The following GLB1L variants were observed in gnomAD, a reference collection of about 807,000 sequenced individuals.
The protein encoded by GLB1L is galactosidase beta 1 like.
In GLB1L, 58 loss-of-function variants were observed where a neutral mutation model predicts 75.7. The ratio of observed to expected loss-of-function variants is 0.77; its 90% CI spans 0.62 to 0.95. GLB1L has a LOEUF of 0.95. Ranked by LOEUF, GLB1L falls within the 40% of genes least tolerant of loss-of-function variation. The pLI is 0.00. For missense variants in GLB1L, 797 were observed against 805.5 expected (o/e 0.99, Z 0.13); for synonymous variants, 296 against 303.0 (o/e 0.98, Z 0.24).
intron 5 of GLB1L, among the ~76,000 whole-genome samples, chr2:219,241,401 A>AATAT (rs1255448318): frequency 8.1e-4 from 68 of 84,396 alleles, no homozygotes; most frequent in South Asian, 1.4e-3. Context: ...AAATAAAAAT[A>AATAT]ATATATATAT....
intron 5 of GLB1L, among the ~76,000 whole-genome samples, chr2:219,242,292 T>TG (rs1388692107): frequency 6.7e-6 from 1 of 150,156 alleles, no homozygotes; most frequent in African/African-American, 2.4e-5. Context: ...CCCAGCTGTT[T>TG]TTTTTTTTTT....
intron 10 of GLB1L, 89 bp from the exon 11 acceptor site, chr2:219,239,299 G>C: frequency 6.8e-7 from 1 of 1,460,560 alleles, no homozygotes; most frequent in Non-Finnish European, 9.4e-7. Context: ...TTTGCCATCA[G>C]AGGGGGCAGA....
chr2:219,242,859 C>G lies in GLB1L; in HGVS notation c.299G>C (p.Arg100Pro). Residue 100 changes from arginine (R) to proline (P), a missense_variant, in exon 4 of 17, where the codon CGG (arginine) becomes CCG (proline). By Grantham distance (103) the Arg-to-Pro change is moderately radical (BLOSUM62 -2). Transcript: ENST00000295759. ...CTCATTCAGAAAGGCAATGAGGTCC[C>G]GGCTGCCATTAAAGTTATAGACCCC... ...QPGVYNFNGSRDLIAFLNEAA... is the reference protein window; with the variant it reads ...QPGVYNFNGSPDLIAFLNEAA... The G allele has an allele frequency of 6.2e-7, 1 of 1,614,176 alleles. No individual in the cohort carries two copies. Among genetic ancestry groups the G allele is most frequent in the Non-Finnish European group, 8.5e-7 (1 of 1,180,032 alleles).
intron 13 of GLB1L, 51 bp from the exon 14 acceptor site, chr2:219,238,414 C>A: frequency 6.4e-7 from 1 of 1,559,042 alleles, no homozygotes; most frequent in South Asian, 1.1e-5. Context: ...AAAGAGGACA[C>A]TGTGACTATA....
Position 219,242,926 on chromosome 2 carries a change from A to G in GLB1L, c.240-8T>C. The stretch of plus-strand genomic sequence containing the variant: ...TAGTTCCAGGGCACATAACTGAGAA[A>G]GGAAGAGGTTAATAGGAACCAAGGT... On this transcript the variant is annotated splice_region_variant and splice_polypyrimidine_tract_variant and intron_variant, in intron 3 of 16. Coordinates refer to ENST00000295759, the MANE Select transcript of GLB1L (RefSeq NM_001286423.2). 6.2e-7 allele frequency: 1 copy of G among 1,614,206 alleles called. No individual in the cohort carries two copies.
chr2:219,240,483 C>T (rs1226645219), intron 5 of GLB1L, among the ~76,000 whole-genome samples, 198 bp from the exon 6 acceptor site: 1 of 152,252 alleles, frequency 6.6e-6, no homozygotes, highest in Admixed American at 6.5e-5. Flanking sequence ...GCGGCTCACG[C>T]CTGTAATCCC....
chr2:219,238,785 C>T lies in GLB1L; in HGVS notation c.1063-6G>A, dbSNP rs1177186053. The T allele has an allele frequency of 2.5e-6, 4 of 1,610,186 alleles. No homozygotes were observed. The highest frequency in any genetic ancestry group is 3.4e-6 in the Non-Finnish European group (4 of 1,178,118). ...CCCAAAGGAACTTCCTGGAACTGAG[C>T]CCAGATTCTCTCAGGATCCATAGGA... is the stretch of plus-strand genomic sequence containing the variant. On this transcript the variant is annotated splice_polypyrimidine_tract_variant and splice_region_variant and intron_variant, in intron 11 of 16. Coordinates refer to ENST00000295759, the MANE Select transcript of GLB1L (RefSeq NM_001286423.2).
chr2:219,243,586 GCTC>G lies in GLB1L; in HGVS notation c.-16_-14del, dbSNP rs915289943. 17 of 1,613,682 alleles carry G rather than the reference GCTC, an allele frequency of 1.1e-5. No homozygotes were observed. Among genetic ancestry groups the G allele is most frequent in the Admixed American group, 1.7e-5 (1 of 60,020 alleles). On this transcript the variant is annotated 5_prime_UTR_variant, in exon 2 of 17. Coordinates refer to ENST00000295759, the MANE Select transcript of GLB1L (RefSeq NM_001286423.2). ...TCTTGGGAGCCATGGCGTTTACAGC[GCTC>G]CTCTAGTCTGAGACGGCGGACAGAC...
chr2:219,240,753 C>G (rs1951366511), intron 5 of GLB1L, among the ~76,000 whole-genome samples: 1 of 149,296 alleles, frequency 6.7e-6, no homozygotes, highest in Non-Finnish European at 1.5e-5. Flanking sequence ...TCAAAACAAA[C>G]AAACAAAAAT....
At position 219,239,424 on chromosome 2, in the gene GLB1L, A is replaced by G. The variant is rs1951332145; in HGVS notation, c.930T>C (p.Phe310=). 1.9e-6 allele frequency: 3 copies of G among 1,602,640 alleles called. No individual in the cohort carries two copies. The highest frequency in any genetic ancestry group is 1.1e-5 in the South Asian group (1 of 89,056). ...ATCTGGACTCACCATTCCAATATCC[A>G]AAGTTGGTACCTCCATGGAACATGT... ...NMYMFHGGTN[F]GYWNGADKKG... is the part of the protein sequence containing the mutation. The change falls in exon 10 of 17, where the codon TTT becomes TTC. Residue 310 remains phenylalanine (F), a synonymous_variant. Transcript: ENST00000295759.
At chr2:219,239,376 T>C in intron 10 of GLB1L, 35 bp downstream of exon 10, 1 of 1,562,132 alleles carries the variant, frequency 6.4e-7, no homozygotes, top group East Asian at 2.2e-5. Flanking sequence ...CCTTGTTACC[T>C]CCCTGCTTCT....
Position 219,237,283 on chromosome 2 carries a change from G to C in GLB1L, c.1754C>G (p.Thr585Ser). The change falls in exon 17 of 17, where the codon ACC becomes AGC. Residue 585 changes from threonine to serine, a missense_variant. Thr to Ser is a moderately conservative substitution (Grantham distance 58). Coordinates refer to ENST00000295759, the MANE Select transcript of GLB1L (RefSeq NM_001286423.2). ...RYWTKQGPQQ[T>S]LYVPRFLLFP... Reference sequence around the variant, plus strand: ...CAGCAGGAATCTTGGCACGTAGAGGGTCTGTTGTGGCCCCTGCTTTGTCCA... The same window carrying C: ...CAGCAGGAATCTTGGCACGTAGAGGCTCTGTTGTGGCCCCTGCTTTGTCCA... 1 of 1,614,136 alleles carries C rather than the reference G, an allele frequency of 6.2e-7. No homozygotes were observed. Among genetic ancestry groups the C allele is most frequent in the Non-Finnish European group, 8.5e-7 (1 of 1,180,006 alleles).
rs757195423 is a variant in GLB1L at position 219,243,174 on chromosome 2, T to C, written c.213A>G (p.Arg71=). The C allele has an allele frequency of 8.1e-6, 13 of 1,612,712 alleles. No individual in the cohort carries two copies. The highest frequency in any genetic ancestry group is 1.1e-5 in the Non-Finnish European group (13 of 1,179,424). The part of the protein sequence containing the change: ...VLWADRLLKM[R]WSGLNAIQFY... ...ACTGTATGGCGTTGAGGCCGCTCCA[T>C]CGCATCTTCAAAAGCCGGTCGGCCC... Residue 71 remains arginine, a synonymous_variant, in exon 3 of 17, where the codon CGA becomes CGG. Coordinates refer to ENST00000295759, the MANE Select transcript of GLB1L (RefSeq NM_001286423.2).
rs1326489471 is a variant in GLB1L, at chr2:219,243,258, C to T, written c.129G>A (p.Gly43=). The T allele has an allele frequency of 6.2e-7, 1 of 1,613,818 alleles. No homozygotes were observed. Among genetic ancestry groups the T allele is most frequent in the Non-Finnish European group, 8.5e-7 (1 of 1,179,886 alleles). Residue 43 remains glycine (G), a synonymous_variant, in exon 3 of 17, where the codon GGG becomes GGA. Transcript: ENST00000295759. The part of the protein sequence containing the change: ...DRGHDRFLLD[G]APFRYVSGSL... Reference sequence around the variant, plus strand: ...TGCCAGACACATAGCGGAACGGGGCCCCGTCTAGGAGAAACCGGTCATGAC... The same window carrying T: ...TGCCAGACACATAGCGGAACGGGGCTCCGTCTAGGAGAAACCGGTCATGAC...
At chr2:219,245,177 G>GTGTA (rs1951498260) in intron 1 of GLB1L, 52 bp downstream of exon 1, 6 of 152,450 alleles carry the variant, frequency 3.9e-5, no homozygotes, top group Admixed American at 3.9e-4. Flanking sequence ...CCAGGCTGCA[G>GTGTA]TGTAGTTGGC....
At position 219,237,948 on chromosome 2, in the gene GLB1L, C is replaced by T. The variant is rs1951291105; in HGVS notation, c.1351G>A (p.Gly451Ser). 1 of 1,613,986 alleles carries T rather than the reference C, an allele frequency of 6.2e-7. No homozygotes were observed. The highest frequency in any genetic ancestry group is 1.3e-5 in the African/African-American group (1 of 74,914). Reference protein sequence around the residue: ...AYVMVDGVFQGVVERNMRDKL... With the variant: ...AYVMVDGVFQSVVERNMRDKL... ...TCTCTCATATTTCGCTCCACAACAC[C>T]CTGGAACACCTGTGGATAGGAGATA... The change falls in exon 15 of 17, where the codon GGT becomes AGT. Residue 451 changes from glycine (G) to serine (S), a missense_variant. Coordinates refer to ENST00000295759, the MANE Select transcript of GLB1L (RefSeq NM_001286423.2).
chr2:219,239,882 C>T (rs1951344687), intron 7 of GLB1L, 38 bp downstream of exon 7: 3 of 1,614,032 alleles, frequency 1.9e-6, no homozygotes, highest in South Asian at 2.2e-5. Flanking sequence ...GAAGAGGTGT[C>T]CTTTCCCCAG....
Position 219,242,553 on chromosome 2 carries a change from G to A in GLB1L, c.412C>T (p.Leu138Phe). The change falls in exon 5 of 17, where the codon CTT (leucine) becomes TTT (phenylalanine). Residue 138 changes from leucine to phenylalanine, a missense_variant. By Grantham distance (22) the Leu-to-Phe change is conservative (BLOSUM62 0). Transcript: ENST00000295759. Reference sequence around the variant, plus strand: ...CTTAGATGAATTTCAGGTTTTCGAAGCAACCAGGATGGGAGACCCCCCTGA... The same window carrying A: ...CTTAGATGAATTTCAGGTTTTCGAAACAACCAGGATGGGAGACCCCCCTGA... ...WEMGGLPSWL[L>F]RKPEIHLRTS... The A allele has an allele frequency of 1.2e-6, 2 of 1,613,668 alleles. No individual in the cohort carries two copies. Among genetic ancestry groups the A allele is most frequent in the Middle Eastern group, 1.6e-4 (1 of 6,062 alleles).
intron 15 of GLB1L, 25 bp from the exon 16 acceptor site, chr2:219,237,752 C>T: frequency 6.2e-7 from 1 of 1,612,942 alleles, no homozygotes; most frequent in Non-Finnish European, 8.5e-7. Context: ...AATGAAAAGT[C>T]ATCATTCACT....
Sources: gnomAD v4.1 joint callset for allele counts (sites outside exome capture counted in the v4.1 genomes callset) on GRCh38, gnomAD v4.1.1 for gene constraint, MANE v1.5 for transcripts, NCBI Gene and HGNC (gene_info 2026-07-23, HGNC 2026-07-21) for gene names.